Variants in SP110 observed in about 807,000 individuals in gnomAD.
SP110 encodes the protein SP110 nuclear body protein, also known as interferon-induced protein 41, 30kD.
SP110 carries 62 observed loss-of-function variants against 92.7 expected under a neutral mutation model. That is an observed-to-expected ratio of 0.67 (90% CI 0.55 to 0.83). The LOEUF is 0.83. Among genes scored for constraint, SP110 ranks in the 40% least tolerant of loss-of-function variants. SP110 has a pLI of 0.00. For synonymous variants in SP110, 273 were observed against 305.3 expected (o/e 0.89, Z 1.10); for missense variants, 793 against 863.9 (o/e 0.92, Z 1.03).
chr2:230,187,773 G>A (rs1010616720), intron 10 of SP110, among the ~76,000 whole-genome samples: 6 of 152,022 alleles, frequency 3.9e-5, no homozygotes, highest in Non-Finnish European at 7.4e-5. Context: ...TTATGTTTTT[G>A]TATGCTTTGT....
At chr2:230,191,997 G>A (rs1454577922) in intron 10 of SP110, among the ~76,000 whole-genome samples, 2 of 152,008 alleles carry the variant, frequency 1.3e-5, no homozygotes, top group Non-Finnish European at 2.9e-5. Flanking sequence ...AAATCAATAA[G>A]CATAATCCAT....
chr2:230,210,118 C>A, intron 6 of SP110, 110 bp from the exon 7 acceptor site: 1 of 779,768 alleles, frequency 1.3e-6, no homozygotes, highest in East Asian at 2.4e-5. Flanking sequence ...AGCCCAGGGC[C>A]GGGAATCTGC....
At chr2:230,223,663 C>T (rs1316449280), upstream of SP110, among the ~76,000 whole-genome samples, 1 of 152,188 alleles carries the variant, frequency 6.6e-6, no homozygotes, top group Non-Finnish European at 1.5e-5. Context: ...GACATAAAAA[C>T]AGTGAACATC....
intron 12 of SP110, among the ~76,000 whole-genome samples, chr2:230,180,265 G>C (rs536034991): frequency 6.6e-6 from 1 of 152,112 alleles, no homozygotes. Flanking sequence ...GAGGAATAGC[G>C]GCATGGTAAA....
intron 12 of SP110, among the ~76,000 whole-genome samples, chr2:230,181,153 A>C (rs2042110060): frequency 6.6e-6 from 1 of 152,236 alleles, no homozygotes; most frequent in South Asian, 2.1e-4. Context: ...GAATCAGTTT[A>C]CCTGCTTAGT....
rs577839435 is a variant in SP110, at chr2:230,167,722, G to A, written c.*1402C>T. 1 of 152,328 alleles carries A rather than the reference G, an allele frequency of 6.6e-6. No individual in the cohort carries two copies. The highest frequency in any genetic ancestry group is 2.1e-4 in the South Asian group (1 of 4,826). The allele number at this position is 152,328 out of a possible 1,614,324, so 9.4% of individuals were successfully genotyped here. ...CTTTCACCAATAGATTGTGGCAGAA[G>A]TGACAGTGTGCAAGTATGAATGGGG... On this transcript the variant is annotated 3_prime_UTR_variant, in exon 19 of 19. Coordinates refer to ENST00000258381, the MANE Select transcript of SP110 (RefSeq NM_080424.4).
intron 12 of SP110, among the ~76,000 whole-genome samples, chr2:230,179,157 A>G (rs1209402882): frequency 6.6e-6 from 1 of 152,238 alleles, no homozygotes; most frequent in Admixed American, 6.5e-5. Flanking sequence ...GTGAAGGAAC[A>G]GTATCAGCGG....
intron 9 of SP110, among the ~76,000 whole-genome samples, chr2:230,202,248 G>C (rs1266602732): frequency 6.6e-6 from 1 of 151,932 alleles, no homozygotes; most frequent in Non-Finnish European, 1.5e-5. Flanking sequence ...TTCTAATCAG[G>C]TACATGTAGA....
At chr2:230,171,437 A>G in intron 17 of SP110, 1 of 509,610 alleles carries the variant, frequency 2.0e-6, no homozygotes, top group Non-Finnish European at 3.6e-6. Flanking sequence ...ATTCTTCCTA[A>G]AGAGAAGATG....
intron 13 of SP110, among the ~76,000 whole-genome samples, chr2:230,177,898 G>A (rs139409477): frequency 3.9e-5 from 6 of 152,296 alleles, no homozygotes; most frequent in African/African-American, 7.2e-5. Context: ...ATGTGCATTC[G>A]TGTAGTGCCT....
chr2:230,181,890 G>A (rs915196591), intron 12 of SP110, among the ~76,000 whole-genome samples: 2 of 152,214 alleles, frequency 1.3e-5, no homozygotes, highest in Non-Finnish European at 2.9e-5. Context: ...GAAAGACCTC[G>A]AAGCAATTCC....
chr2:230,184,566 T>G (rs1204903804), intron 11 of SP110, among the ~76,000 whole-genome samples: 2 of 152,202 alleles, frequency 1.3e-5, no homozygotes, highest in Non-Finnish European at 2.9e-5. Flanking sequence ...TAAACCATAC[T>G]GCTAAAGGTA....
At chr2:230,204,080 T>G (rs1431113035) in intron 8 of SP110, among the ~76,000 whole-genome samples, 1 of 152,210 alleles carries the variant, frequency 6.6e-6, no homozygotes, top group Non-Finnish European at 1.5e-5. Flanking sequence ...ACATTTAAAA[T>G]AAAACGATTC....
intron 12 of SP110, among the ~76,000 whole-genome samples, chr2:230,178,889 G>A (rs1574608602): frequency 6.6e-6 from 1 of 152,132 alleles, no homozygotes; most frequent in Non-Finnish European, 1.5e-5. Flanking sequence ...GTTGCAAGAG[G>A]GTTTAAAATA....
chr2:230,171,524 G>T, intron 17 of SP110, 172 bp downstream of exon 17: 1 of 669,666 alleles, frequency 1.5e-6, no homozygotes, highest in Non-Finnish European at 2.8e-6. Flanking sequence ...TTTGAACCAG[G>T]TAGTCCCTCT....
chr2:230,221,523 C>T (rs781295631), upstream of SP110, among the ~76,000 whole-genome samples: 9 of 152,050 alleles, frequency 5.9e-5, no homozygotes, highest in Admixed American at 1.3e-4. Context: ...CCCGGCCTTG[C>T]GGGTAATGGC....
At chr2:230,218,771 G>C (rs1355933013) in intron 1 of SP110, among the ~76,000 whole-genome samples, 1 of 152,168 alleles carries the variant, frequency 6.6e-6, no homozygotes, top group Non-Finnish European at 1.5e-5. Context: ...ATATATGACT[G>C]TTCAGATTTT....
intron 8 of SP110, among the ~76,000 whole-genome samples, chr2:230,204,733 G>A (rs2043571113): frequency 6.6e-6 from 1 of 152,026 alleles, no homozygotes; most frequent in Admixed American, 6.6e-5. Context: ...GCCAGTGCTG[G>A]GTGCTGTAGA....
chr2:230,221,225 G>A (rs1480209089), upstream of SP110, among the ~76,000 whole-genome samples: 1 of 150,576 alleles, frequency 6.6e-6, no homozygotes, highest in Non-Finnish European at 1.5e-5. Flanking sequence ...AGGTTGCAGT[G>A]AGCCGAGATC....
Sources: allele counts gnomAD v4.1 joint callset (sites outside exome capture counted in the v4.1 genomes callset), GRCh38; gene constraint gnomAD v4.1.1; transcripts MANE v1.5; gene names NCBI Gene and HGNC (gene_info 2026-07-23, HGNC 2026-07-21).